The following DCAF6 variants were observed in gnomAD, a reference collection of about 807,000 sequenced individuals.
DCAF6 encodes DDB1- and CUL4-associated factor 6.
DCAF6 carries 54 observed loss-of-function variants against 125.1 expected under a neutral mutation model. The observed-to-expected ratio is 0.43, with a 90% CI of 0.35 to 0.54. The LOEUF (loss-of-function observed/expected upper bound fraction) is 0.54, where lower values mean the gene tolerates loss of function less well. Among genes scored for constraint, DCAF6 ranks in the 20% least tolerant of loss-of-function variants. DCAF6 has a pLI of 0.01. For missense variants in DCAF6, 934 were observed against 1,161.7 expected, an observed-to-expected ratio of 0.80 and a Z score of 2.85; for synonymous variants, 371 against 390.4, an observed-to-expected ratio of 0.95 and a Z score of 0.58.
the DCAF6 span, among the ~76,000 whole-genome samples, chr1:167,875,993 A>G: frequency 1.3e-5 from 2 of 152,122 alleles, no homozygotes; most frequent in African/African-American, 4.8e-5. Context: ...ACGGTGGCTC[A>G]TGCTTGTAAT....
At chr1:167,981,145 A>C (rs1423236829) in intron 4 of DCAF6, among the ~76,000 whole-genome samples, 2 of 151,906 alleles carry the variant, frequency 1.3e-5, no homozygotes, top group Non-Finnish European at 2.9e-5. Context: ...GAGCTCAGGT[A>C]ATCTGCCCGT....
chr1:168,027,715 A>T (rs1686526553), intron 12 of DCAF6, among the ~76,000 whole-genome samples: 1 of 152,092 alleles, frequency 6.6e-6, no homozygotes. Context: ...AATTTTTTTA[A>T]AAATTTTAGT....
At chr1:167,905,510 C>G in the DCAF6 span, among the ~76,000 whole-genome samples, 1 of 151,934 alleles carries the variant, frequency 6.6e-6, no homozygotes, top group African/African-American at 2.4e-5. Context: ...CTGTTAAGCT[C>G]TATTCACTCA....
At chr1:167,899,714 G>T in the DCAF6 span, 1 of 1,280,580 alleles carries the variant, frequency 7.8e-7, no homozygotes, top group East Asian at 2.4e-5. Flanking sequence ...CCATAATCTT[G>T]GTGGGACTAT....
intron 16 of DCAF6, among the ~76,000 whole-genome samples, chr1:168,048,765 A>T (rs1256348860): frequency 6.6e-6 from 1 of 152,234 alleles, no homozygotes; most frequent in East Asian, 1.9e-4. Flanking sequence ...CAGGAGACAA[A>T]ATGGAGACCA....
At chr1:167,969,150 T>C (rs1676917552) in intron 3 of DCAF6, 1 of 152,114 alleles carries the variant, frequency 6.6e-6, no homozygotes, top group South Asian at 2.1e-4. Context: ...CTAATATTAA[T>C]ATTTTATATT....
At chr1:167,891,191 A>C in the DCAF6 span, among the ~76,000 whole-genome samples, 1 of 151,664 alleles carries the variant, frequency 6.6e-6, no homozygotes, top group East Asian at 2.0e-4. Flanking sequence ...TGAACTCCTG[A>C]CCTGGTGATC....
At chr1:167,985,077 G>C (rs917093457) in intron 4 of DCAF6, among the ~76,000 whole-genome samples, 4 of 152,132 alleles carry the variant, frequency 2.6e-5, no homozygotes, top group African/African-American at 9.7e-5. Context: ...CACAAGAACA[G>C]CATGGGAAAG....
chr1:167,944,189 T>C (rs1672707441), intron 1 of DCAF6, among the ~76,000 whole-genome samples: 1 of 152,232 alleles, frequency 6.6e-6, no homozygotes, highest in Non-Finnish European at 1.5e-5. Context: ...TGTGTATATA[T>C]ACCACATTTT....
intron 16 of DCAF6, among the ~76,000 whole-genome samples, chr1:168,048,823 T>G (rs1689461799): frequency 6.6e-6 from 1 of 152,214 alleles, no homozygotes; most frequent in South Asian, 2.1e-4. Flanking sequence ...CATTTAAAAA[T>G]GTAAAAACTA....
At chr1:167,903,745 CA>C in the DCAF6 span, 1 of 672,640 alleles carries the variant, frequency 1.5e-6, no homozygotes, top group Non-Finnish European at 2.7e-6. Context: ...TATCATATTT[CA>C]AAAAAGACTG....
intron 5 of DCAF6, among the ~76,000 whole-genome samples, chr1:167,988,940 C>T (rs1284110156): frequency 6.6e-6 from 1 of 151,730 alleles, no homozygotes; most frequent in East Asian, 1.9e-4. Flanking sequence ...ATTAGCCGGG[C>T]GTGGTGGCAG....
At chr1:167,976,932 T>C (rs532196151) in intron 4 of DCAF6, among the ~76,000 whole-genome samples, 17 of 128,974 alleles carry the variant, frequency 1.3e-4, no homozygotes, top group Non-Finnish European at 2.4e-4. Context: ...AGACGGAGTT[T>C]CGCTCTTGTT....
In DCAF6 at chr1:167,991,283, G is replaced by T; in HGVS notation, c.632G>T (p.Cys211Phe). The change falls in exon 6 of 22, where the codon TGT becomes TTT. Residue 211 changes from cysteine to phenylalanine, a missense_variant. Physicochemically the swap from Cys to Phe is radical, Grantham distance 205. This residue lies in a region of DCAF6 where 309 missense variants were observed against 381.2 expected (regional missense o/e 0.81). Transcript: ENST00000367840. ...PPIPYYLAVGCSDSSVRIYDR... is the reference protein window; with the variant it reads ...PPIPYYLAVGFSDSSVRIYDR... ...ATACCATATTACCTTGCTGTTGGTT[G>T]TTCTGACAGCTCAGTACGAATATAT... 1 of 1,613,644 alleles carries T rather than the reference G, an allele frequency of 6.2e-7. No individual in the cohort carries two copies.
intron 19 of DCAF6, 145 bp from the exon 20 acceptor site, chr1:168,066,227 CAAAAT>C (rs1299916053): frequency 2.2e-6 from 1 of 448,286 alleles, no homozygotes; most frequent in African/African-American, 2.0e-5. Flanking sequence ...AGCAAATTGT[CAAAAT>C]AATATTTTCA....
chr1:168,054,637 A>C (rs982902203), intron 17 of DCAF6, among the ~76,000 whole-genome samples: 2 of 152,178 alleles, frequency 1.3e-5, no homozygotes, highest in Admixed American at 6.5e-5. Context: ...TATAGGATTC[A>C]ATTGGACTGC....
At chr1:168,010,805 TTTC>T (rs140916263) in intron 10 of DCAF6, among the ~76,000 whole-genome samples, 4,324 of 152,250 alleles carry the variant, frequency 0.028, 151 homozygotes, top group African/African-American at 0.081. Flanking sequence ...CTTTCAGTTA[TTTC>T]TTAAGTTAAG....
intron 2 of DCAF6, among the ~76,000 whole-genome samples, chr1:167,962,679 G>A (rs1675799824): frequency 6.6e-6 from 1 of 151,904 alleles, no homozygotes; most frequent in Admixed American, 6.6e-5. Context: ...TTTTAGGCTG[G>A]GTGCGGTGGC....
chr1:167,937,023 C>G lies in DCAF6; in HGVS notation c.97+15C>G, dbSNP rs1266780152. ...TCGCTACCTGGGTGAGCGGGGGCCC[C>G]GGGGCGGAGGCGCTGAGGTCGCCGC... On this transcript the variant is annotated intron_variant, in intron 1 of 21. Coordinates refer to ENST00000367840, the MANE Select transcript of DCAF6 (RefSeq NM_001198956.2). The G allele has an allele frequency of 3.7e-6, 6 of 1,600,104 alleles. No homozygotes were observed. Among genetic ancestry groups the G allele is most frequent in the Non-Finnish European group, 5.1e-6 (6 of 1,173,686 alleles).
Sources: allele counts gnomAD v4.1 joint callset (sites outside exome capture counted in the v4.1 genomes callset), GRCh38; gene constraint gnomAD v4.1.1; regional missense constraint gnomAD v4.1.1; transcripts MANE v1.5; gene names NCBI Gene and HGNC (gene_info 2026-07-23, HGNC 2026-07-21).